DDX4: variants seen among roughly 807,000 people sequenced by gnomAD.
DDX4 encodes probable ATP-dependent RNA helicase DDX4.
In DDX4, 25 loss-of-function variants were observed where a neutral mutation model predicts 100.0. The observed-to-expected ratio is 0.25, with a 90% CI of 0.18 to 0.35. DDX4 has a LOEUF of 0.35. Ranked by LOEUF, DDX4 falls within the 10% of genes least tolerant of loss-of-function variation. DDX4 has a pLI of 1.00. For synonymous variants in DDX4, 259 were observed against 275.7 expected (o/e 0.94, Z 0.60); for missense variants, 635 against 882.4 (o/e 0.72, Z 3.55).
At chr5:55,767,825 A>T in intron 6 of DDX4, 56 bp from the exon 7 acceptor site, 1 of 1,317,506 alleles carries the variant, frequency 7.6e-7, no homozygotes, top group East Asian at 2.3e-5. Context: ...TATTCTTTAT[A>T]TATTGCATCA....
chr5:55,741,939 T>C (rs1759000660), intron 2 of DDX4: 1 of 275,826 alleles, frequency 3.6e-6, no homozygotes, highest in African/African-American at 2.2e-5. Context: ...CCTTCTCTTT[T>C]ATAGCGGCTT....
chr5:55,811,562 T>C (rs1744123905), intron 18 of DDX4, among the ~76,000 whole-genome samples: 1 of 152,210 alleles, frequency 6.6e-6, no homozygotes, highest in African/African-American at 2.4e-5. Context: ...CCAAAATGTT[T>C]GAAAGCCACT....
At chr5:55,745,415 T>C (rs976167249) in intron 2 of DDX4, among the ~76,000 whole-genome samples, 1 of 152,108 alleles carries the variant, frequency 6.6e-6, no homozygotes, top group Non-Finnish European at 1.5e-5. Flanking sequence ...TGATATTTTA[T>C]TATATTTTCT....
Position 55,814,945 on chromosome 5 carries a change from G to A in DDX4, c.1760G>A (p.Arg587His), listed in dbSNP as rs1345293584. 1.2e-6 allele frequency: 2 copies of A among 1,614,166 alleles called. No homozygotes were observed. The highest frequency in any genetic ancestry group is 1.7e-6 in the Non-Finnish European group (2 of 1,180,010). ...REREQALGDF[R>H]FGKCPVLVAT... ...CGGGAGCAAGCTCTTGGAGATTTTCGCTTTGGAAAGTGCCCAGTTCTTGTT... is the reference window on the plus strand; with the variant it reads ...CGGGAGCAAGCTCTTGGAGATTTTCACTTTGGAAAGTGCCCAGTTCTTGTT... The change falls in exon 20 of 22, where the codon CGC (arginine) becomes CAC (histidine). Residue 587 changes from arginine (R) to histidine (H), a missense_variant. By Grantham distance (29) the Arg-to-His change is conservative. Around this residue, in one of 4 missense-constraint regions of DDX4, gnomAD observed 115 missense variants for 224.7 expected, o/e 0.51. Transcript: ENST00000505374.
At chr5:55,763,287 C>A (rs778624304) in intron 5 of DDX4, 35 bp downstream of exon 5, 1 of 1,334,006 alleles carries the variant, frequency 7.5e-7, no homozygotes, top group Non-Finnish European at 1.1e-6. Context: ...ACAATCAAAA[C>A]TTGAGTGATT....
intron 4 of DDX4, among the ~76,000 whole-genome samples, chr5:55,760,969 C>T (rs1484893470): frequency 6.6e-6 from 1 of 152,094 alleles, no homozygotes; most frequent in Non-Finnish European, 1.5e-5. Context: ...ACATACTTGA[C>T]ACTTATTCTT....
intron 16 of DDX4, 70 bp from the exon 17 acceptor site, chr5:55,792,571 G>A: frequency 1.3e-6 from 1 of 789,808 alleles, no homozygotes; most frequent in Non-Finnish European, 1.8e-6. Flanking sequence ...TTAACAGTTG[G>A]AATTGTAGAG....
chr5:55,762,605 T>C (rs1031324282), intron 4 of DDX4, among the ~76,000 whole-genome samples: 1 of 152,162 alleles, frequency 6.6e-6, no homozygotes, highest in Non-Finnish European at 1.5e-5. Flanking sequence ...AATTAAAATG[T>C]TGGGTGTTTA....
chr5:55,815,456 T>G, intron 21 of DDX4, 33 bp downstream of exon 21: 1 of 1,587,068 alleles, frequency 6.3e-7, no homozygotes, highest in Non-Finnish European at 8.5e-7. Flanking sequence ...GAACTTGTCT[T>G]CTAGTTACTC....
At chr5:55,784,222 G>A (rs1742105196) in intron 10 of DDX4, among the ~76,000 whole-genome samples, 2 of 152,098 alleles carry the variant, frequency 1.3e-5, no homozygotes, top group Admixed American at 6.6e-5. Context: ...GGGATTGCTG[G>A]TACAAGTCCT....
chr5:55,801,958 A>G (rs1580597965), intron 18 of DDX4, among the ~76,000 whole-genome samples: 1 of 152,194 alleles, frequency 6.6e-6, no homozygotes, highest in Non-Finnish European at 1.5e-5. Flanking sequence ...CAGGAAGTGT[A>G]TGACCTTCCT....
chr5:55,745,520 G>A (rs879260768), intron 2 of DDX4, among the ~76,000 whole-genome samples: 6 of 151,926 alleles, frequency 3.9e-5, no homozygotes, highest in Non-Finnish European at 7.4e-5. Context: ...CCTCCCAGGC[G>A]AAGTGAACCT....
At chr5:55,767,111 T>C in intron 6 of DDX4, 1 of 1,234,834 alleles carries the variant, frequency 8.1e-7, no homozygotes, top group Non-Finnish European at 1.1e-6. Context: ...AGTTTGCATA[T>C]ATTTAAGAAA....
intron 7 of DDX4, among the ~76,000 whole-genome samples, chr5:55,768,778 T>C (rs1213550148): frequency 6.6e-6 from 1 of 152,228 alleles, no homozygotes; most frequent in African/African-American, 2.4e-5. Flanking sequence ...CTCTGCAAGC[T>C]TGCCAGCATC....
intron 18 of DDX4, among the ~76,000 whole-genome samples, chr5:55,809,133 T>G (rs1454091915): frequency 6.6e-6 from 1 of 152,214 alleles, no homozygotes; most frequent in Non-Finnish European, 1.5e-5. Context: ...GGATATAATC[T>G]CCTGGTGTGC....
chr5:55,804,641 T>C (rs542176319), intron 18 of DDX4, among the ~76,000 whole-genome samples: 1 of 151,806 alleles, frequency 6.6e-6, no homozygotes, highest in Non-Finnish European at 1.5e-5. Flanking sequence ...GTAGATATGC[T>C]GCGTTATTTC....
At chr5:55,756,201 T>A (rs1759921324) in intron 3 of DDX4, among the ~76,000 whole-genome samples, 1 of 152,206 alleles carries the variant, frequency 6.6e-6, no homozygotes, top group East Asian at 1.9e-4. Flanking sequence ...TATAAAAATC[T>A]TCTCTGAATG....
intron 3 of DDX4, among the ~76,000 whole-genome samples, chr5:55,756,105 T>C (rs1281218758): frequency 6.6e-6 from 1 of 152,200 alleles, no homozygotes; most frequent in Non-Finnish European, 1.5e-5. Context: ...AATTAAAATA[T>C]TGATGGTCAT....
At chr5:55,807,657 C>T (rs995120234) in intron 18 of DDX4, among the ~76,000 whole-genome samples, 1 of 152,206 alleles carries the variant, frequency 6.6e-6, no homozygotes, top group Middle Eastern at 3.2e-3. Context: ...GGCCCCCACT[C>T]TCTTCTGACT....
Sources: gnomAD v4.1 joint callset for allele counts (sites outside exome capture counted in the v4.1 genomes callset) on GRCh38, gnomAD v4.1.1 for gene constraint, gnomAD v4.1.1 regional missense constraint, MANE v1.5 for transcripts, NCBI Gene and HGNC (gene_info 2026-07-23, HGNC 2026-07-21) for gene names.